Variants in PIP5K1B observed in about 807,000 individuals in gnomAD.
PIP5K1B encodes the protein phosphatidylinositol-4-phosphate 5-kinase type 1 beta.
Under a neutral mutation model 67.0 loss-of-function variants are expected in PIP5K1B, and 42 were observed. The observed-to-expected ratio is 0.63, with a 90% CI of 0.49 to 0.81. PIP5K1B has a LOEUF of 0.81. Ranked by LOEUF, PIP5K1B falls within the 30% of genes least tolerant of loss-of-function variation. The pLI is 0.00. For missense variants in PIP5K1B, 459 were observed against 646.3 expected (o/e 0.71, Z 3.14); for synonymous variants, 214 against 231.4 (o/e 0.92, Z 0.68).
intron 4 of PIP5K1B, among the ~76,000 whole-genome samples, chr9:68,831,151 T>G (rs1834294252): frequency 6.6e-6 from 1 of 152,184 alleles, no homozygotes; most frequent in South Asian, 2.1e-4. Context: ...TTATTCAGAG[T>G]TTTTGCTGTT....
intron 2 of PIP5K1B, among the ~76,000 whole-genome samples, chr9:68,795,936 G>A (rs1832268521): frequency 6.6e-6 from 1 of 152,100 alleles, no homozygotes; most frequent in South Asian, 2.1e-4. Flanking sequence ...AAAAAGATTA[G>A]AATAACAAAA....
intron 4 of PIP5K1B, among the ~76,000 whole-genome samples, chr9:68,837,050 C>T (rs1051135554): frequency 6.6e-5 from 10 of 152,364 alleles, no homozygotes; most frequent in African/African-American, 2.4e-4. Context: ...TCAGCCTTAG[C>T]GAGGTCACTT....
At position 68,894,493 on chromosome 9, in the gene PIP5K1B, A is replaced by G; in HGVS notation, c.626A>G (p.Tyr209Cys). 1.2e-6 allele frequency: 2 copies of G among 1,614,182 alleles called. No individual in the cohort carries two copies. Among genetic ancestry groups the G allele is most frequent in the Non-Finnish European group, 1.7e-6 (2 of 1,180,016 alleles). ...HFTYDLKGST[Y>C]KRRASRKERE... ...ACATATGACTTGAAAGGCTCAACGT[A>G]TAAGCGAAGAGCATCCCGTAAAGAG... Residue 209 changes from tyrosine (Y) to cysteine (C), a missense_variant, in exon 8 of 16, where the codon TAT (tyrosine) becomes TGT (cysteine). By Grantham distance (194) the Tyr-to-Cys change is radical. Transcript: ENST00000265382.
At chr9:68,918,482 C>T (rs1323863758) in intron 9 of PIP5K1B, among the ~76,000 whole-genome samples, 13 of 152,170 alleles carry the variant, frequency 8.5e-5, no homozygotes, top group Admixed American at 8.5e-4. Context: ...TGTTCTAGTC[C>T]TGCACCCTGA....
rs570150549 is a variant in PIP5K1B at position 68,925,524 on chromosome 9, G to A, written c.1201+2138G>A. On this transcript the variant is annotated intron_variant, in intron 12 of 15. Coordinates refer to ENST00000265382, the MANE Select transcript of PIP5K1B (RefSeq NM_003558.4). ...GTAGTTCCTTTGAGAATTGAGCTTT[G>A]TAACATTTGACCATTTATATTGGGT... Among the ~76,000 whole-genome samples, 9 of 152,204 alleles carry A rather than the reference G, an allele frequency of 5.9e-5. No individual in the cohort carries two copies. In the South Asian group the frequency reaches 1.9e-3, roughly 32 times the overall value.
At chr9:68,822,244 T>G (rs1490226121) in intron 3 of PIP5K1B, among the ~76,000 whole-genome samples, 1 of 151,928 alleles carries the variant, frequency 6.6e-6, no homozygotes, top group East Asian at 1.9e-4. Flanking sequence ...CTGCTTGAAC[T>G]GAAGAGTTTG....
chr9:68,743,403 T>A (rs1230982287), intron 2 of PIP5K1B, among the ~76,000 whole-genome samples: 1 of 152,016 alleles, frequency 6.6e-6, no homozygotes, highest in Non-Finnish European at 1.5e-5. Context: ...GGGGTTTCGC[T>A]ATGTGCCCAG....
chr9:68,950,580 G>C (rs11144468), intron 14 of PIP5K1B, among the ~76,000 whole-genome samples: 24,333 of 152,132 alleles, frequency 0.16, 2,150 homozygotes, highest in East Asian at 0.41. Flanking sequence ...GTACAAAGTA[G>C]TGTTCCCTGT....
chr9:68,707,806 G>T (rs1827194024), intron 1 of PIP5K1B: 1 of 152,182 alleles, frequency 6.6e-6, no homozygotes, highest in Admixed American at 6.5e-5. Flanking sequence ...TGCCCCCAGT[G>T]ACCTGGGTTC....
chr9:68,720,374 C>T (rs1827828980), intron 1 of PIP5K1B, among the ~76,000 whole-genome samples: 1 of 152,186 alleles, frequency 6.6e-6, no homozygotes, highest in Non-Finnish European at 1.5e-5. Flanking sequence ...GGTCTCTTTG[C>T]TACTCAGCTG....
intron 14 of PIP5K1B, among the ~76,000 whole-genome samples, chr9:68,985,232 A>G (rs973118895): frequency 2.6e-5 from 4 of 151,618 alleles, no homozygotes; most frequent in Non-Finnish European, 5.9e-5. Flanking sequence ...TTTGGCAATA[A>G]TTCAAACTAA....
chr9:68,898,058 C>A (rs920609156), intron 8 of PIP5K1B, among the ~76,000 whole-genome samples: 2 of 152,152 alleles, frequency 1.3e-5, no homozygotes, highest in African/African-American at 2.4e-5. Flanking sequence ...GCCCCTGAGT[C>A]CCTTTGCCTG....
rs573474938 is a variant in PIP5K1B, at chr9:68,976,841, C to A, written c.1503-14299C>A. 1.1e-4 allele frequency among the ~76,000 whole-genome samples: 17 copies of A among 152,344 alleles called. No individual in the cohort carries two copies. The South Asian group carries it at 2.1e-3, about 19-fold the overall frequency. On this transcript the variant is annotated intron_variant, in intron 14 of 15. Coordinates refer to ENST00000265382, the MANE Select transcript of PIP5K1B (RefSeq NM_003558.4). ...CAGTAATGCTCACTCACCCACCACT[C>A]ACCTCCTGCTGTGCGGCCTGGTTCC...
At chr9:68,809,816 C>T (rs541406486) in intron 2 of PIP5K1B, among the ~76,000 whole-genome samples, 1 of 152,268 alleles carries the variant, frequency 6.6e-6, no homozygotes, top group Non-Finnish European at 1.5e-5. Flanking sequence ...GCAGTTCCTC[C>T]TCCAAAAACC....
intron 1 of PIP5K1B, among the ~76,000 whole-genome samples, chr9:68,724,474 T>C (rs1345653405): frequency 6.6e-6 from 1 of 152,122 alleles, no homozygotes; most frequent in Non-Finnish European, 1.5e-5. Context: ...CTACTCCGTA[T>C]AGCGATGTGC....
chr9:68,718,222 C>CT (rs997678598), intron 1 of PIP5K1B, among the ~76,000 whole-genome samples: 29 of 152,308 alleles, frequency 1.9e-4, no homozygotes, highest in African/African-American at 7.0e-4. Flanking sequence ...TATGATAGAA[C>CT]TTTGAGTTGG....
At chr9:68,753,231 G>T (rs1829724559) in intron 2 of PIP5K1B, among the ~76,000 whole-genome samples, 1 of 150,624 alleles carries the variant, frequency 6.6e-6, no homozygotes. Flanking sequence ...AACAGAATAG[G>T]TTTAAATTCC....
Position 68,805,728 on chromosome 9 carries a change from G to A in PIP5K1B, c.-85-12733G>A, listed in dbSNP as rs571912470. 2.0e-5 allele frequency among the ~76,000 whole-genome samples: 3 copies of A among 152,266 alleles called. No individual in the cohort carries two copies. The South Asian group carries it at 6.2e-4, about 32-fold the overall frequency. ...AGGGGGTAGTGACAAGTGGAGATTG[G>A]AGCAATGACCTCTGCTAGGCTTATG... On this transcript the variant is annotated intron_variant, in intron 2 of 15. Coordinates refer to ENST00000265382, the MANE Select transcript of PIP5K1B (RefSeq NM_003558.4).
At chr9:68,809,231 C>T (rs1346643281) in intron 2 of PIP5K1B, among the ~76,000 whole-genome samples, 2 of 151,920 alleles carry the variant, frequency 1.3e-5, no homozygotes, top group Admixed American at 6.6e-5. Flanking sequence ...TTGTTTAAGC[C>T]TCAGAAAATA....
Sources: allele counts gnomAD v4.1 joint callset (sites outside exome capture counted in the v4.1 genomes callset), GRCh38; gene constraint gnomAD v4.1.1; transcripts MANE v1.5; gene names NCBI Gene and HGNC (gene_info 2026-07-23, HGNC 2026-07-21).